Variants in KDM4C observed in about 807,000 individuals in gnomAD.
The protein encoded by KDM4C is lysine demethylase 4C.
KDM4C carries 81 observed loss-of-function variants against 129.3 expected under a neutral mutation model. The ratio of observed to expected loss-of-function variants is 0.63; its 90% CI spans 0.52 to 0.75. The LOEUF is 0.75. Ranked by LOEUF, KDM4C falls within the 30% of genes least tolerant of loss-of-function variation. The probability of loss-of-function intolerance (pLI) is 0.00; values close to 1 mark genes in which losing one functional copy is unlikely to be tolerated. For synonymous variants in KDM4C, 573 were observed against 456.1 expected (o/e 1.26, Z -3.26); for missense variants, 1,457 against 1,304.0 (o/e 1.12, Z -1.81).
In KDM4C at chr9:6,807,739, T is replaced by G. The variant is rs1259068527; in HGVS notation, c.320+1965T>G. 3.7e-3 allele frequency among the ~76,000 whole-genome samples: 509 copies of G among 138,178 alleles called. 2 individuals are homozygous for G. Among genetic ancestry groups the G allele is most frequent in the African/African-American group, 0.013 (491 of 37,630 alleles). 90.7% of individuals were successfully genotyped at this position (138,178 alleles called of 152,430 possible). A position where few individuals can be genotyped will look rare whatever the true frequency, so the allele number is the denominator to read the frequency against. ...CTCTCCGCCCGGCAGCCACCCCATC[T>G]GGGAAGTGAGGAGCGTCTCCGCCCG... On this transcript the variant is annotated intron_variant, in intron 3 of 21. Transcript: ENST00000381309.
intron 18 of KDM4C, among the ~76,000 whole-genome samples, chr9:7,117,687 T>C (rs903230017): frequency 1.3e-5 from 2 of 148,580 alleles, no homozygotes; most frequent in East Asian, 2.0e-4. Context: ...ATGATTGAGA[T>C]TGTGGGAATA....
At chr9:6,898,680 G>T (rs897190517) in intron 8 of KDM4C, among the ~76,000 whole-genome samples, 3 of 152,144 alleles carry the variant, frequency 2.0e-5, no homozygotes, top group African/African-American at 4.8e-5. Flanking sequence ...TCTGGCAGGG[G>T]TTTCAACTAT....
intron 2 of KDM4C, among the ~76,000 whole-genome samples, chr9:6,797,386 GAC>G: frequency 6.6e-6 from 1 of 152,294 alleles, no homozygotes. Flanking sequence ...AGCTTCAGAT[GAC>G]AGTCTGTCTT....
intron 8 of KDM4C, chr9:6,902,716 G>A (rs976858215): frequency 1.3e-5 from 2 of 152,210 alleles, no homozygotes; most frequent in Non-Finnish European, 2.9e-5. Context: ...GGCCTGAGGT[G>A]CTGAGAAACA....
At chr9:6,738,059 G>A (rs376783775) in intron 1 of KDM4C, among the ~76,000 whole-genome samples, 1 of 152,020 alleles carries the variant, frequency 6.6e-6, no homozygotes, top group Admixed American at 6.6e-5. Context: ...ACTTGAACCC[G>A]GGAGGCAGAG....
chr9:7,153,070 T>TAGA (rs1470710913), intron 19 of KDM4C, among the ~76,000 whole-genome samples: 1 of 152,188 alleles, frequency 6.6e-6, no homozygotes, highest in Non-Finnish European at 1.5e-5. Context: ...AATGAATATA[T>TAGA]AGAAGCTCAG....
chr9:6,746,260 ATG>A (rs1817868871), intron 1 of KDM4C, among the ~76,000 whole-genome samples: 7 of 105,726 alleles, frequency 6.6e-5, no homozygotes, highest in Admixed American at 5.7e-4. Context: ...ATATATATAT[ATG>A]TTTTTTTTTT....
chr9:7,170,736 G>C (rs757655536), intron 21 of KDM4C: 4 of 981,968 alleles, frequency 4.1e-6, no homozygotes, highest in Non-Finnish European at 4.8e-6. Context: ...AGTTTAGTGA[G>C]TGCTTATGAT....
chr9:6,828,399 G>A (rs567002343), intron 4 of KDM4C, among the ~76,000 whole-genome samples: 4 of 151,974 alleles, frequency 2.6e-5, no homozygotes, highest in South Asian at 2.1e-4. Context: ...TGCCTGCCTC[G>A]GCCTCCCAAA....
rs562631447 is a variant in KDM4C at position 7,052,046 on chromosome 9, C to T, written c.2424+2846C>T. ...AGCGAAGATATAGACAGAAAGAGAA[C>T]ATTTTCAATATTTGTCATTTTTAGA... is the stretch of plus-strand genomic sequence containing the variant. On this transcript the variant is annotated intron_variant, in intron 17 of 21. Coordinates refer to ENST00000381309, the MANE Select transcript of KDM4C (RefSeq NM_015061.6). Among the ~76,000 whole-genome samples the T allele has an allele frequency of 9.9e-5, 15 of 152,256 alleles. No individual in the cohort carries two copies. The East Asian group carries it at 2.9e-3, about 29-fold the overall frequency.
chr9:6,919,247 T>TTTCTTTCTTTCTTTCTTTC, intron 8 of KDM4C, among the ~76,000 whole-genome samples: 6 of 106,288 alleles, frequency 5.6e-5, no homozygotes, highest in African/African-American at 1.9e-4. Flanking sequence ...TCTTTCTTTC[T>TTTCTTTCTTTCTTTCTTTC]TTTCTTTCTT....
chr9:7,032,277 T>G (rs1826909060), intron 15 of KDM4C, among the ~76,000 whole-genome samples: 1 of 152,248 alleles, frequency 6.6e-6, no homozygotes, highest in South Asian at 2.1e-4. Flanking sequence ...CTGTCCTGTC[T>G]ACAGCAAGAG....
intron 3 of KDM4C, among the ~76,000 whole-genome samples, chr9:6,812,487 G>A (rs960440967): frequency 2.6e-5 from 4 of 152,090 alleles, no homozygotes; most frequent in East Asian, 1.9e-4. Flanking sequence ...GGATGGTTTC[G>A]GGATGAAACG....
chr9:7,101,025 G>A (rs1361113996), intron 17 of KDM4C, among the ~76,000 whole-genome samples: 1 of 152,010 alleles, frequency 6.6e-6, no homozygotes, highest in Non-Finnish European at 1.5e-5. Flanking sequence ...TGCTGTTTTG[G>A]CTTCATCCTT....
intron 1 of KDM4C, among the ~76,000 whole-genome samples, chr9:6,737,304 G>A (rs138762163): frequency 3.3e-5 from 5 of 151,896 alleles, no homozygotes; most frequent in Admixed American, 2.6e-4. Context: ...GTCTAATATC[G>A]AGAATCCATA....
At chr9:6,989,469 C>T (rs972024755) in intron 11 of KDM4C, among the ~76,000 whole-genome samples, 1 of 152,122 alleles carries the variant, frequency 6.6e-6, no homozygotes, top group Non-Finnish European at 1.5e-5. Flanking sequence ...ATACACATGA[C>T]TTTCTACCCG....
chr9:6,869,468 G>C (rs1842536721), intron 5 of KDM4C, among the ~76,000 whole-genome samples: 1 of 152,232 alleles, frequency 6.6e-6, no homozygotes. Context: ...ATTACTTGGG[G>C]AGTTCACTCT....
chr9:7,053,154 T>C (rs1830441795), intron 17 of KDM4C, among the ~76,000 whole-genome samples: 1 of 152,244 alleles, frequency 6.6e-6, no homozygotes, highest in African/African-American at 2.4e-5. Flanking sequence ...TTCCATTATA[T>C]GAAGGCTGTT....
At chr9:6,790,523 G>A (rs1368220097) in intron 1 of KDM4C, among the ~76,000 whole-genome samples, 1 of 150,274 alleles carries the variant, frequency 6.7e-6, no homozygotes, top group Non-Finnish European at 1.5e-5. Context: ...CAGAGTGCGG[G>A]GATTATAGGC....
Sources: gnomAD v4.1 joint callset for allele counts (sites outside exome capture counted in the v4.1 genomes callset) on GRCh38, gnomAD v4.1.1 for gene constraint, MANE v1.5 for transcripts, NCBI Gene and HGNC (gene_info 2026-07-23, HGNC 2026-07-21) for gene names.